The following MGRN1 variants were observed in gnomAD, a reference collection of about 807,000 sequenced individuals.
The protein encoded by MGRN1 is mahogunin ring finger 1.
A neutral mutation model predicts 69.2 loss-of-function variants in MGRN1; 29 were observed. The ratio of observed to expected loss-of-function variants is 0.42; its 90% CI spans 0.31 to 0.57. The LOEUF (loss-of-function observed/expected upper bound fraction) is 0.57. MGRN1 is among the 20% of genes least tolerant of loss of function. The pLI is 0.15. For synonymous variants in MGRN1, 470 were observed against 344.2 expected, an observed-to-expected ratio of 1.37 and a Z score of -4.04; for missense variants, 998 against 796.2, an observed-to-expected ratio of 1.25 and a Z score of -3.05.
intron 6 of MGRN1, 141 bp downstream of exon 6, chr16:4,664,916 C>T: frequency 1.6e-6 from 2 of 1,274,122 alleles, no homozygotes; most frequent in East Asian, 2.3e-5. Flanking sequence ...GTGTGAGCAG[C>T]TTGGAGTCCC....
chr16:4,666,305 A>G (rs1042057152), intron 7 of MGRN1, among the ~76,000 whole-genome samples: 2 of 151,630 alleles, frequency 1.3e-5, no homozygotes, highest in Admixed American at 6.6e-5. Flanking sequence ...ACTTAAAAAA[A>G]TTTTTTTGTA....
rs1389916864 is a variant in MGRN1, at chr16:4,660,475, C to T, written c.561+3112C>T. Reference sequence around the variant, plus strand: ...AAGCACTGTCAGCACCTAGTTTCTGCAGTGTGATGAGAAAAAAAATCACAG... The same window carrying T: ...AAGCACTGTCAGCACCTAGTTTCTGTAGTGTGATGAGAAAAAAAATCACAG... On this transcript the variant is annotated intron_variant, in intron 5 of 16. Transcript: ENST00000262370. Among the ~76,000 whole-genome samples, 3 of 152,204 alleles carry T rather than the reference C, an allele frequency of 2.0e-5. No individual in the cohort carries two copies. The East Asian group carries it at 5.8e-4, about 29-fold the overall frequency.
chr16:4,641,218 G>C (rs114314705), intron 1 of MGRN1, among the ~76,000 whole-genome samples: 1 of 152,198 alleles, frequency 6.6e-6, no homozygotes, highest in African/African-American at 2.4e-5. Flanking sequence ...TGAGGCAAAG[G>C]AAAGGGCGGC....
At chr16:4,664,470 A>T in intron 5 of MGRN1, 1 of 578,482 alleles carries the variant, frequency 1.7e-6, no homozygotes. Flanking sequence ...GATGTACTTT[A>T]CTCAACGCTG....
chr16:4,659,291 CTG>C (rs1158726005), intron 5 of MGRN1: 2 of 152,494 alleles, frequency 1.3e-5, no homozygotes, highest in African/African-American at 2.4e-5. Context: ...TCACGTGTGA[CTG>C]TGGGTGCTGT....
chr16:4,669,323 A>G (rs1364109867), intron 8 of MGRN1: 3 of 151,782 alleles, frequency 2.0e-5, no homozygotes, highest in Non-Finnish European at 2.9e-5. Context: ...AATCTCAGCA[A>G]CTCAGGAGGA....
At chr16:4,646,252 G>A (rs1185555875) in intron 1 of MGRN1, among the ~76,000 whole-genome samples, 1 of 152,148 alleles carries the variant, frequency 6.6e-6, no homozygotes. Context: ...GTAGCATAGT[G>A]AGACCCCATG....
intron 10 of MGRN1, among the ~76,000 whole-genome samples, chr16:4,675,486 C>T (rs1389657948): frequency 6.6e-6 from 1 of 152,108 alleles, no homozygotes; most frequent in African/African-American, 2.4e-5. Flanking sequence ...CACCTATAAT[C>T]CCAGCACTTT....
chr16:4,668,515 A>G (rs1323939955), intron 8 of MGRN1, among the ~76,000 whole-genome samples: 4 of 151,964 alleles, frequency 2.6e-5, no homozygotes, highest in Non-Finnish European at 5.9e-5. Context: ...ACATATATAG[A>G]CACATAAACA....
At chr16:4,633,107 G>T (rs573452127) in intron 1 of MGRN1, among the ~76,000 whole-genome samples, 1 of 151,776 alleles carries the variant, frequency 6.6e-6, no homozygotes, top group African/African-American at 2.4e-5. Flanking sequence ...ATAAAATTTG[G>T]CCGGGTGCAG....
At chr16:4,676,243 C>G (rs934509507) in intron 10 of MGRN1, among the ~76,000 whole-genome samples, 1 of 152,086 alleles carries the variant, frequency 6.6e-6, no homozygotes, top group African/African-American at 2.4e-5. Context: ...GGCTGTCTGT[C>G]GGCCTCTCCT....
At chr16:4,685,635 G>A (rs962317474) in intron 16 of MGRN1, among the ~76,000 whole-genome samples, 10 of 152,348 alleles carry the variant, frequency 6.6e-5, no homozygotes, top group African/African-American at 1.7e-4. Context: ...GCTGTTTGGC[G>A]CCATCTCCGT....
At chr16:4,645,433 C>T (rs908796091) in intron 1 of MGRN1, among the ~76,000 whole-genome samples, 6 of 152,090 alleles carry the variant, frequency 3.9e-5, no homozygotes, top group Admixed American at 6.6e-5. Flanking sequence ...TCTTCCAAAG[C>T]GCCCAGGCAT....
chr16:4,672,998 C>T (rs2078972706), intron 9 of MGRN1, among the ~76,000 whole-genome samples: 1 of 152,032 alleles, frequency 6.6e-6, no homozygotes, highest in African/African-American at 2.4e-5. Flanking sequence ...GCCACCATGC[C>T]CGGCTAATTT....
intron 7 of MGRN1, among the ~76,000 whole-genome samples, chr16:4,666,093 T>G (rs937780524): frequency 6.6e-6 from 1 of 151,940 alleles, no homozygotes; most frequent in African/African-American, 2.4e-5. Flanking sequence ...CCTCCCAAAG[T>G]GCTTGGATTA....
intron 2 of MGRN1, chr16:4,650,704 C>CT: frequency 2.4e-6 from 1 of 425,428 alleles, no homozygotes; most frequent in Middle Eastern, 6.2e-4. Context: ...GGGCAGGTCA[C>CT]TGAGAAACAG....
chr16:4,633,868 C>A (rs974521066), intron 1 of MGRN1: 1 of 151,986 alleles, frequency 6.6e-6, no homozygotes, highest in Non-Finnish European at 1.5e-5. Flanking sequence ...CAGGCGCCCG[C>A]CACCGCGCCC....
At chr16:4,640,974 G>A (rs762395878) in intron 1 of MGRN1, among the ~76,000 whole-genome samples, 12 of 152,200 alleles carry the variant, frequency 7.9e-5, no homozygotes, top group African/African-American at 1.2e-4. Flanking sequence ...TGGGGCCAGC[G>A]GGAAAGGGGG....
At chr16:4,641,189 A>G (rs1348195037) in intron 1 of MGRN1, among the ~76,000 whole-genome samples, 1 of 152,102 alleles carries the variant, frequency 6.6e-6, no homozygotes, top group Non-Finnish European at 1.5e-5. Flanking sequence ...CGCACACACC[A>G]CATGTGTGTC....
Sources: gnomAD v4.1 joint callset for allele counts (sites outside exome capture counted in the v4.1 genomes callset) on GRCh38, gnomAD v4.1.1 for gene constraint, MANE v1.5 for transcripts, NCBI Gene and HGNC (gene_info 2026-07-23, HGNC 2026-07-21) for gene names.